LIPA: variants seen among roughly 807,000 people sequenced by gnomAD.
LIPA encodes the protein lysosomal acid lipase/cholesteryl ester hydrolase.
In LIPA, 26 loss-of-function variants were observed where a neutral mutation model predicts 40.6. The ratio of observed to expected loss-of-function variants is 0.64; its 90% CI spans 0.47 to 0.89. The LOEUF is 0.89. LIPA is among the 40% of genes least tolerant of loss of function. The pLI, the probability that LIPA is intolerant of heterozygous loss-of-function variation, is 0.00. For missense variants in LIPA, 455 were observed against 479.6 expected (o/e 0.95, Z 0.48); for synonymous variants, 188 against 168.4 (o/e 1.12, Z -0.90).
intron 2 of LIPA, among the ~76,000 whole-genome samples, chr10:89,379,777 G>A (rs1291440419): frequency 6.6e-6 from 1 of 152,162 alleles, no homozygotes; most frequent in Non-Finnish European, 1.5e-5. Context: ...GCTCACACCT[G>A]TAATCCCAGC....
At chr10:89,318,295 C>T (rs941999633) in intron 1 of LIPA, among the ~76,000 whole-genome samples, 1 of 152,122 alleles carries the variant, frequency 6.6e-6, no homozygotes, top group Non-Finnish European at 1.5e-5. Flanking sequence ...AGTCAAGAAC[C>T]ATCAGTGTGC....
rs372943801 is a variant in LIPA at position 89,265,884 on chromosome 10, T to C, written c.-1-18235A>G. Among the ~76,000 whole-genome samples the C allele has an allele frequency of 5.3e-5, 8 of 152,290 alleles. No individual in the cohort carries two copies. In the East Asian group the frequency reaches 5.8e-4, roughly 11 times the overall value. ...AGGTGGAGCATCCATTATCCAAAAA[T>C]CCAAAATCCAAAATGCTCCGGGATT... On this transcript the variant is annotated intron_variant, in intron 1 of 5. Transcript: ENST00000282673.
intron 1 of LIPA, among the ~76,000 whole-genome samples, chr10:89,302,878 C>T (rs182144718): frequency 2.6e-5 from 4 of 152,164 alleles, no homozygotes; most frequent in Non-Finnish European, 2.9e-5. Flanking sequence ...ATCCTGGGAG[C>T]TCTGGAATCC....
intron 2 of LIPA, among the ~76,000 whole-genome samples, chr10:89,373,199 G>A (rs995552697): frequency 4.6e-5 from 7 of 151,974 alleles, no homozygotes; most frequent in Admixed American, 1.3e-4. Context: ...GCCGGGCGTG[G>A]TGGTGGGTGC....
intron 1 of LIPA, among the ~76,000 whole-genome samples, chr10:89,282,792 G>T (rs1267092327): frequency 6.6e-6 from 1 of 152,224 alleles, no homozygotes. Flanking sequence ...CACACAAGCA[G>T]TGCATTTCAG....
intron 2 of LIPA, chr10:89,384,599 G>A (rs780291471): frequency 8.1e-6 from 13 of 1,614,180 alleles, no homozygotes; most frequent in Non-Finnish European, 1.1e-5. Context: ...GCTAAAAGAT[G>A]TATTCACCAG....
chr10:89,254,012 G>A (rs1843168247), upstream of LIPA, among the ~76,000 whole-genome samples: 1 of 152,222 alleles, frequency 6.6e-6, no homozygotes, highest in African/African-American at 2.4e-5. Flanking sequence ...CCTTCCTCCT[G>A]GCTCCTTTCA....
At chr10:89,358,269 C>T (rs916196465) in intron 2 of LIPA, among the ~76,000 whole-genome samples, 92 of 151,908 alleles carry the variant, frequency 6.1e-4, no homozygotes, top group African/African-American at 2.1e-3. Context: ...TGGCTACTAT[C>T]AAAAAAACAA....
At chr10:89,305,807 C>A (rs1226745394) in intron 1 of LIPA, among the ~76,000 whole-genome samples, 1 of 152,100 alleles carries the variant, frequency 6.6e-6, no homozygotes, top group East Asian at 1.9e-4. Context: ...CAGGAATTAA[C>A]AATAAGGAAA....
intron 1 of LIPA, among the ~76,000 whole-genome samples, chr10:89,294,168 A>AG (rs1410350906): frequency 6.6e-6 from 1 of 152,278 alleles, no homozygotes; most frequent in African/African-American, 2.4e-5. Flanking sequence ...ATTTCTGAAT[A>AG]GGACTATGGA....
At chr10:89,312,154 A>G (rs1248855272) in intron 1 of LIPA, among the ~76,000 whole-genome samples, 2 of 152,160 alleles carry the variant, frequency 1.3e-5, no homozygotes, top group Non-Finnish European at 2.9e-5. Context: ...TAATAATTCA[A>G]CAAAGGCCAG....
chr10:89,302,854 G>C (rs1843454071), intron 1 of LIPA, among the ~76,000 whole-genome samples: 1 of 152,056 alleles, frequency 6.6e-6, no homozygotes. Context: ...GCCGGACCTG[G>C]TTGCCTAACC....
intron 8 of LIPA, among the ~76,000 whole-genome samples, chr10:89,221,164 A>G (rs1842692925): frequency 6.6e-6 from 1 of 152,126 alleles, no homozygotes. Flanking sequence ...ACAAACACTG[A>G]AATATATCAA....
rs886831002 is a variant in LIPA at position 89,245,687 on chromosome 10, T to C, written c.218A>G (p.His73Arg). 1.9e-6 allele frequency: 3 copies of C among 1,563,968 alleles called. No individual in the cohort carries two copies. Among genetic ancestry groups the C allele is most frequent in the African/African-American group, 2.7e-5 (2 of 73,984 alleles). ...LNRIPHGRKN[H>R]SDKGPKPVVF... ...GAGCCTTCCCATACCTTTGTCAGAA[T>C]GGTTCTTCCTCCCATGAGGAATTCG... The change falls in exon 3 of 10, where the codon CAT becomes CGT. Residue 73 changes from histidine to arginine, a missense_variant. Transcript: ENST00000336233.
chr10:89,309,353 G>A (rs1247665235), intron 1 of LIPA: 3 of 152,142 alleles, frequency 2.0e-5, no homozygotes, highest in Non-Finnish European at 4.4e-5. Context: ...GAGACAAGAA[G>A]GCCCAAAATC....
At chr10:89,339,628 G>C (rs1254619783) in intron 1 of LIPA, 2 of 1,614,170 alleles carry the variant, frequency 1.2e-6, no homozygotes, top group Admixed American at 3.3e-5. Context: ...TCTTGAGAAG[G>C]GACTGAATCC....
intron 1 of LIPA, among the ~76,000 whole-genome samples, chr10:89,285,537 C>T (rs983950209): frequency 1.3e-5 from 2 of 152,150 alleles, no homozygotes; most frequent in African/African-American, 2.4e-5. Context: ...GTCTGATCAC[C>T]GTGGGGATGC....
At chr10:89,381,287 G>A (rs1349841011) in intron 2 of LIPA, among the ~76,000 whole-genome samples, 1 of 152,050 alleles carries the variant, frequency 6.6e-6, no homozygotes, top group East Asian at 1.9e-4. Flanking sequence ...GGACGATTTG[G>A]GTCAAAAACT....
At chr10:89,397,497 T>G (rs1272920472) in intron 2 of LIPA, among the ~76,000 whole-genome samples, 1 of 152,206 alleles carries the variant, frequency 6.6e-6, no homozygotes, top group African/African-American at 2.4e-5. Context: ...TTATAAATTA[T>G]TGCTTCTTTA....
Sources: allele counts gnomAD v4.1 joint callset (sites outside exome capture counted in the v4.1 genomes callset), GRCh38; gene constraint gnomAD v4.1.1; transcripts MANE v1.5; gene names NCBI Gene and HGNC (gene_info 2026-07-23, HGNC 2026-07-21).